Variants in RMC1 observed in about 807,000 individuals in gnomAD.
RMC1 encodes regulator of MON1-CCZ1.
RMC1 carries 44 observed loss-of-function variants against 95.5 expected under a neutral mutation model. The ratio of observed to expected loss-of-function variants is 0.46; its 90% CI spans 0.36 to 0.59. The LOEUF (loss-of-function observed/expected upper bound fraction) is 0.59, where lower values mean the gene tolerates loss of function less well. RMC1 is among the 20% of genes least tolerant of loss of function. RMC1 has a pLI of 0.00. For synonymous variants in RMC1, 320 were observed against 303.6 expected (o/e 1.05, Z -0.56); for missense variants, 705 against 819.6 (o/e 0.86, Z 1.71).
At chr18:23,529,888 T>C in intron 16 of RMC1, 140 bp from the exon 17 acceptor site, 1 of 1,056,482 alleles carries the variant, frequency 9.5e-7, no homozygotes, top group Non-Finnish European at 1.4e-6. Flanking sequence ...AGTTGGGGTC[T>C]TTACCTGCAT....
chr18:23,521,378 G>A (rs1441675199), intron 10 of RMC1, among the ~76,000 whole-genome samples: 1 of 152,334 alleles, frequency 6.6e-6, no homozygotes. Flanking sequence ...GCTCTGTAAC[G>A]CTGAAATTAA....
chr18:23,503,816 C>A, intron 1 of RMC1, 96 bp downstream of exon 1: 1 of 1,048,756 alleles, frequency 9.5e-7, no homozygotes, highest in Non-Finnish European at 1.3e-6. Context: ...GCGTCCCCTC[C>A]TGTCCTGTCC....
intron 12 of RMC1, among the ~76,000 whole-genome samples, chr18:23,526,303 G>A (rs534756721): frequency 4.6e-5 from 7 of 152,300 alleles, no homozygotes; most frequent in South Asian, 4.1e-4. Flanking sequence ...TATTTTAAAC[G>A]TTAAAAGAGG....
intron 10 of RMC1, among the ~76,000 whole-genome samples, chr18:23,523,091 C>G (rs1435045666): frequency 1.3e-5 from 2 of 152,256 alleles, no homozygotes; most frequent in Non-Finnish European, 2.9e-5. Context: ...GGGCTGTGCA[C>G]TCGGCGCAGA....
rs191243720 is a variant in RMC1, at chr18:23,515,934, A to G, written c.487A>G (p.Ser163Gly). The G allele has an allele frequency of 5.0e-6, 8 of 1,614,072 alleles. No homozygotes were observed. The East Asian group carries it at 1.8e-4, about 36-fold the overall frequency. ...GAATTGGTACATGTACTGCCCCGAG[A>G]GCGCCGTGATCTTGCTGTCTACCAC... Reference protein sequence around the residue: ...NVNWYMYCPESAVILLSTTVL... With the variant: ...NVNWYMYCPEGAVILLSTTVL... The change falls in exon 6 of 20, where the codon AGC becomes GGC. Residue 163 changes from serine (S) to glycine (G), a missense_variant. Transcript: ENST00000269221.
In RMC1 at chr18:23,520,193, C is replaced by T. The variant is rs971497273; in HGVS notation, c.850-9C>T. On this transcript the variant is annotated splice_polypyrimidine_tract_variant and intron_variant, in intron 9 of 19. Transcript: ENST00000269221. ...ATTTTGGCCTCAGTCTTGTCTTTTT[C>T]CCCCCCAGACATCGGTAATATTCGA... 7 of 1,597,926 alleles carry T rather than the reference C, an allele frequency of 4.4e-6. No individual in the cohort carries two copies. Among genetic ancestry groups the T allele is most frequent in the Middle Eastern group, 1.7e-4 (1 of 6,020 alleles).
intron 10 of RMC1, 34 bp downstream of exon 10, chr18:23,520,347 C>G: frequency 6.6e-7 from 1 of 1,521,184 alleles, no homozygotes; most frequent in East Asian, 2.3e-5. Flanking sequence ...TCTGTGCTGC[C>G]CTTTCACCAT....
intron 11 of RMC1, 83 bp downstream of exon 11, chr18:23,524,257 C>T: frequency 1.3e-6 from 2 of 1,558,762 alleles, no homozygotes; most frequent in Non-Finnish European, 1.8e-6. Flanking sequence ...CTCCTCCGGG[C>T]AGCTGTGAAT....
chr18:23,529,064 T>C (rs2058398849), intron 14 of RMC1, 115 bp from the exon 15 acceptor site: 4 of 1,479,140 alleles, frequency 2.7e-6, no homozygotes. Flanking sequence ...AGAGAAAGTG[T>C]TTTCCGCTCA....
At chr18:23,505,887 C>G (rs2057702173) in intron 2 of RMC1, among the ~76,000 whole-genome samples, 1 of 152,098 alleles carries the variant, frequency 6.6e-6, no homozygotes, top group Non-Finnish European at 1.5e-5. Context: ...AGTTTTTAGA[C>G]TGGGCGCGGT....
intron 2 of RMC1, 37 bp from the exon 3 acceptor site, chr18:23,506,933 G>A (rs752350629): frequency 4.3e-6 from 6 of 1,391,358 alleles, no homozygotes; most frequent in South Asian, 1.2e-5. Flanking sequence ...GCTAGAATTC[G>A]GTTATTTAAC....
rs1238858075 is a variant in RMC1, at chr18:23,509,231, T to C, written c.360T>C (p.Ser120=). Residue 120 remains serine, a synonymous_variant, in exon 5 of 20, where the codon AGT becomes AGC. Transcript: ENST00000269221. ...ACATTCTAGGATTCTGCTGGACTAG[T>C]TCAACTGAAATTGTCTTCATAACAG... ...NANILGFCWT[S]STEIVFITDQ... The C allele has an allele frequency of 4.8e-6, 7 of 1,468,066 alleles. No homozygotes were observed. The highest frequency in any genetic ancestry group is 6.3e-6 in the Non-Finnish European group (7 of 1,108,492). 90.9% of individuals were successfully genotyped at this position (1,468,066 alleles called of 1,614,324 possible).
At chr18:23,529,119 G>A in intron 14 of RMC1, 60 bp from the exon 15 acceptor site, 1 of 1,576,374 alleles carries the variant, frequency 6.3e-7, no homozygotes, top group Non-Finnish European at 8.6e-7. Context: ...TGGATGAACT[G>A]TAAACAGCAC....
chr18:23,530,001 T>C (rs1342449716), intron 16 of RMC1, 27 bp from the exon 17 acceptor site: 1 of 1,577,284 alleles, frequency 6.3e-7, no homozygotes, highest in Non-Finnish European at 8.7e-7. Context: ...TTGGAAGTGT[T>C]CTTTCACTTT....
At chr18:23,529,564 GGATA>G in intron 15 of RMC1, 67 bp from the exon 16 acceptor site, 1 of 1,395,426 alleles carries the variant, frequency 7.2e-7, no homozygotes, top group South Asian at 1.2e-5. Flanking sequence ...GGTGGGGGTT[GGATA>G]GAGAGTTATA....
chr18:23,516,109 C>T (rs532369429), intron 6 of RMC1, 113 bp downstream of exon 6: 34 of 1,493,506 alleles, frequency 2.3e-5, no homozygotes, highest in Non-Finnish European at 2.8e-5. Flanking sequence ...GTAACGTCAC[C>T]GCTCTGACCA....
chr18:23,503,932 A>G (rs1451783860), intron 1 of RMC1, among the ~76,000 whole-genome samples: 2 of 151,832 alleles, frequency 1.3e-5, no homozygotes, highest in African/African-American at 4.8e-5. Flanking sequence ...CCCCCGAGCC[A>G]GCTGCGCGGA....
rs569285714 is a variant in RMC1, at chr18:23,503,827, C to T, written c.102+107C>T. ...CCGAGCGTCCCCTCCTGTCCTGTCCCGTCCCGTCCCAGCGCGGGAGGCGGC... is the reference window on the plus strand; with the variant it reads ...CCGAGCGTCCCCTCCTGTCCTGTCCTGTCCCGTCCCAGCGCGGGAGGCGGC... On this transcript the variant is annotated intron_variant, in intron 1 of 19. Coordinates refer to ENST00000269221, the MANE Select transcript of RMC1 (RefSeq NM_013326.5). 10 of 933,848 alleles carry T rather than the reference C, an allele frequency of 1.1e-5. 1 individual carries two copies. In the South Asian group the frequency reaches 2.1e-4, roughly 20 times the overall value. 57.8% of individuals were successfully genotyped at this position (933,848 alleles called of 1,614,324 possible). A position where few individuals can be genotyped will look rare whatever the true frequency, so the allele number is the denominator to read the frequency against.
intron 19 of RMC1, among the ~76,000 whole-genome samples, chr18:23,530,993 A>ATC (rs2058482926): frequency 6.6e-6 from 1 of 151,798 alleles, no homozygotes; most frequent in Non-Finnish European, 1.5e-5. Flanking sequence ...ACATTGGTTG[A>ATC]TCATTCTCAT....
Sources: allele counts gnomAD v4.1 joint callset (sites outside exome capture counted in the v4.1 genomes callset), GRCh38; gene constraint gnomAD v4.1.1; transcripts MANE v1.5; gene names NCBI Gene and HGNC (gene_info 2026-07-23, HGNC 2026-07-21).